Variants in PRSS22 observed in about 807,000 individuals in gnomAD.
The protein encoded by PRSS22 is serine protease 22.
A neutral mutation model predicts 28.0 loss-of-function variants in PRSS22; 26 were observed. That is an observed-to-expected ratio of 0.93 (90% CI 0.68 to 1.29). The LOEUF (loss-of-function observed/expected upper bound fraction) is 1.29. Ranked by LOEUF, PRSS22 falls within the 50% of genes most tolerant of loss-of-function variation. The pLI, the probability that PRSS22 is intolerant of heterozygous loss-of-function variation, is 0.00. For synonymous variants in PRSS22, 217 were observed against 177.9 expected, an observed-to-expected ratio of 1.22 and a Z score of -1.75; for missense variants, 444 against 422.1, an observed-to-expected ratio of 1.05 and a Z score of -0.46.
chr16:2,855,311 G>T (rs942662893), intron 4 of PRSS22, among the ~76,000 whole-genome samples: 1 of 134,904 alleles, frequency 7.4e-6, no homozygotes, highest in South Asian at 2.3e-4. Flanking sequence ...TCACACCACT[G>T]CACTCCAGCC....
rs773615219 is a variant in PRSS22 at position 2,855,488 on chromosome 16, G to C, written c.559+86C>G. 2.0e-6 allele frequency: 3 copies of C among 1,487,116 alleles called. No individual in the cohort carries two copies. In the South Asian group the frequency reaches 3.7e-5, roughly 19 times the overall value. The allele number at this position is 1,487,116 out of a possible 1,614,324, so 92.1% of individuals were successfully genotyped here. On this transcript the variant is annotated intron_variant, in intron 4 of 5. Transcript: ENST00000161006. The stretch of plus-strand genomic sequence containing the variant: ...GCTGTGCCTCTGGCCTCCACCCTTT[G>C]TTGCTCATGGTGTCTGTGTCCCTGA...
chr16:2,855,365 A>AAAAAAAAAG (rs1555473080), intron 4 of PRSS22, among the ~76,000 whole-genome samples: 5 of 134,582 alleles, frequency 3.7e-5, no homozygotes, highest in East Asian at 2.2e-4. Flanking sequence ...AAAAAAAAAA[A>AAAAAAAAAG]AAGAAGAAGA....
In PRSS22 at chr16:2,856,180, C is replaced by T; in HGVS notation, c.183G>A (p.Trp61Ter). ...VGGEDSTDSEWPWIVSIQKNG... is the reference protein window; with the variant it reads ...VGGEDSTDSE ...TCTTCTGGATGCTCACGATCCAGGG[C>T]CACTCGCTGTCAGTGCTGTCCTCGC... is the stretch of plus-strand genomic sequence containing the variant. The change falls in exon 3 of 6, where the codon TGG (tryptophan) becomes TGA (stop). Residue 61 changes from tryptophan (W) to a stop codon, truncating the protein, a stop_gained. Transcript: ENST00000161006. LOFTEE classifies it high-confidence loss of function. 5 of 1,613,858 alleles carry T rather than the reference C, an allele frequency of 3.1e-6. No individual in the cohort carries two copies. Among genetic ancestry groups the T allele is most frequent in the Non-Finnish European group, 4.2e-6 (5 of 1,179,952 alleles).
Position 2,858,138 on chromosome 16 carries a change from G to A in PRSS22, c.-34C>T, listed in dbSNP as rs781304869. ...GGGCGGGGGAGCAGGCAGCAGGCTCGAGAGACCCAGGGCGATGCGGGTCAG... is the reference window on the plus strand; with the variant it reads ...GGGCGGGGGAGCAGGCAGCAGGCTCAAGAGACCCAGGGCGATGCGGGTCAG... On this transcript the variant is annotated 5_prime_UTR_variant, in exon 1 of 6. Transcript: ENST00000161006. 37 of 1,255,280 alleles carry A rather than the reference G, an allele frequency of 2.9e-5. No homozygotes were observed. Among genetic ancestry groups the A allele is most frequent in the Non-Finnish European group, 3.6e-5 (36 of 994,168 alleles). The allele number at this position is 1,255,280 out of a possible 1,614,324, so 77.8% of individuals were successfully genotyped here.
In PRSS22 at chr16:2,853,291, G is replaced by A. The variant is rs148702915; in HGVS notation, c.756C>T (p.Gly252=). ...TGATGATGCCGGCCAGCAGCCAGGC[G>A]CCGTCCACCTGGCACATGAGGGGGC... is the stretch of plus-strand genomic sequence containing the variant. ...SGGPLMCQVD[G]AWLLAGIISW... is the part of the protein sequence containing the mutation. Residue 252 remains glycine (G), a synonymous_variant, in exon 6 of 6, where the codon GGC becomes GGT. Transcript: ENST00000161006. The surrounding 1 kb of genome is among the most constrained non-coding windows in gnomAD (Gnocchi z 4.6). 2.9e-5 allele frequency: 46 copies of A among 1,599,068 alleles called. No individual in the cohort carries two copies. The African/African-American group carries it at 6.0e-4, about 21-fold the overall frequency.
chr16:2,857,928 A>G, intron 1 of PRSS22, 95 bp downstream of exon 1: 1 of 920,402 alleles, frequency 1.1e-6, no homozygotes, highest in Non-Finnish European at 1.4e-6. Context: ...AAAGGAGATG[A>G]GAGAGGCAAG....
chr16:2,856,990 C>G, intron 1 of PRSS22, 142 bp from the exon 2 acceptor site: 1 of 980,740 alleles, frequency 1.0e-6, no homozygotes, highest in Non-Finnish European at 1.6e-6. Context: ...GGTCCCAGCA[C>G]CCAGTGAGGA....
chr16:2,855,591 C>A lies in PRSS22; in HGVS notation c.542G>T (p.Gly181Val). The change falls in exon 4 of 6, where the codon GGG becomes GTG. Residue 181 changes from glycine to valine, a missense_variant. Gly to Val is a moderately radical substitution (Grantham distance 109, BLOSUM62 -3). Transcript: ENST00000161006. ...PNTHCWISGW[G>V]SIQDGVPLPH... is the part of the protein sequence containing the mutation. ...AGCCGCACCTCCATCTTGGATGCTC[C>A]CCCAGCCTGAGATCCAGCAGTGGGT... The A allele has an allele frequency of 6.2e-7, 1 of 1,614,040 alleles. No individual in the cohort carries two copies. The highest frequency in any genetic ancestry group is 8.5e-7 in the Non-Finnish European group (1 of 1,180,010).
chr16:2,855,431 T>C, intron 4 of PRSS22, 143 bp downstream of exon 4: 2 of 825,880 alleles, frequency 2.4e-6, no homozygotes, highest in South Asian at 1.8e-5. Context: ...TTCTTCTGGA[T>C]TGCAGCCCAT....
chr16:2,852,924 G>C lies in PRSS22; in HGVS notation c.*169C>G, dbSNP rs1161209823. 1.2e-5 allele frequency: 7 copies of C among 588,928 alleles called. No individual in the cohort carries two copies. The highest frequency in any genetic ancestry group is 2.0e-5 in the Non-Finnish European group (7 of 341,832). The allele number at this position is 588,928 out of a possible 1,614,324, so 36.5% of individuals were successfully genotyped here. A position where few individuals can be genotyped will look rare whatever the true frequency, so the allele number is the denominator to read the frequency against. On this transcript the variant is annotated 3_prime_UTR_variant, in exon 6 of 6. Transcript: ENST00000161006. ...CTTGGAGGCGGGGCCTGAGGCCGTCGGGCGGGTCGGGGAGGGGGTTTCCTT... is the reference window on the plus strand; with the variant it reads ...CTTGGAGGCGGGGCCTGAGGCCGTCCGGCGGGTCGGGGAGGGGGTTTCCTT...
intron 1 of PRSS22, chr16:2,857,720 T>C: frequency 3.6e-6 from 1 of 278,478 alleles, no homozygotes; most frequent in East Asian, 5.7e-5. Flanking sequence ...AAACGGTGCT[T>C]CCCCAGAGGC....
At chr16:2,854,127 A>C in intron 4 of PRSS22, 105 bp from the exon 5 acceptor site, 1 of 1,324,744 alleles carries the variant, frequency 7.5e-7, no homozygotes, top group Non-Finnish European at 1.1e-6. Flanking sequence ...GCGGTTCTCA[A>C]AGGCTAACAG....
At position 2,858,091 on chromosome 16, in the gene PRSS22, C is replaced by T; in HGVS notation, c.14G>A (p.Gly5Glu). 7.9e-7 allele frequency: 1 copy of T among 1,268,998 alleles called. No individual in the cohort carries two copies. The highest frequency in any genetic ancestry group is 3.1e-5 in the East Asian group (1 of 32,054). 78.6% of individuals were successfully genotyped at this position (1,268,998 alleles called of 1,614,324 possible). The change falls in exon 1 of 6, where the codon GGA becomes GAA. Residue 5 changes from glycine (G) to glutamate (E), a missense_variant. Transcript: ENST00000161006. MVVSGAPPALGGGCL... is the reference protein window; with the variant it reads MVVSEAPPALGGGCL... Reference sequence around the variant, plus strand: ...GCCCCCACCCAGGGCTGGGGGCGCTCCAGAAACCACCATGGCTGGTGGGGC... The same window carrying T: ...GCCCCCACCCAGGGCTGGGGGCGCTTCAGAAACCACCATGGCTGGTGGGGC...
intron 1 of PRSS22, chr16:2,857,762 C>G (rs934096165): frequency 2.8e-5 from 10 of 354,440 alleles, no homozygotes; most frequent in Non-Finnish European, 4.5e-5. Context: ...TGGGAGAACA[C>G]GGAGGCGAGA....
At chr16:2,855,970 G>C in intron 3 of PRSS22, 112 bp downstream of exon 3, 1 of 1,509,216 alleles carries the variant, frequency 6.6e-7, no homozygotes, top group East Asian at 2.3e-5. Flanking sequence ...GAATCGAGGG[G>C]CACCAAGATT....
Position 2,855,821 on chromosome 16 carries a change from C to T in PRSS22, c.312G>A (p.Val104=), listed in dbSNP as rs2069450261. The T allele has an allele frequency of 1.9e-6, 3 of 1,613,370 alleles. No individual in the cohort carries two copies. Among genetic ancestry groups the T allele is most frequent in the Admixed American group, 1.7e-5 (1 of 59,988 alleles). The change falls in exon 4 of 6, where the codon GTG becomes GTA. Residue 104 remains valine, a synonymous_variant. Coordinates refer to ENST00000161006, the MANE Select transcript of PRSS22 (RefSeq NM_022119.4). ...DNLNKPYLFS[V]LLGAWQLGNP... is the part of the protein sequence containing the mutation. ...TCCCCAGCTGCCAGGCCCCCAGCAGCACAGAGAACAGGTATGGTTTGTTCA... is the reference window on the plus strand; with the variant it reads ...TCCCCAGCTGCCAGGCCCCCAGCAGTACAGAGAACAGGTATGGTTTGTTCA...
rs978581900 is a variant in PRSS22 at position 2,852,966 on chromosome 16, G to T, written c.*127C>A. ...GGTTTCCTTTCCGCAGCAGCCGTCC[G>T]GGCCCCCAGAGGTAGAGGTAGATGA... On this transcript the variant is annotated 3_prime_UTR_variant, in exon 6 of 6. Transcript: ENST00000161006. 8.5e-6 allele frequency: 5 copies of T among 588,878 alleles called. No individual in the cohort carries two copies. The East Asian group carries it at 1.6e-4, about 19-fold the overall frequency. The allele number at this position is 588,878 out of a possible 1,614,324, so 36.5% of individuals were successfully genotyped here.
chr16:2,854,932 T>C (rs577481351), intron 4 of PRSS22, among the ~76,000 whole-genome samples: 6 of 152,308 alleles, frequency 3.9e-5, no homozygotes, highest in Admixed American at 3.3e-4. Flanking sequence ...ATCAGGCCTC[T>C]TTATATTCAC....
intron 1 of PRSS22, chr16:2,857,804 T>C (rs1426397830): frequency 5.1e-6 from 2 of 389,846 alleles, no homozygotes. Context: ...CGACGGTAAC[T>C]GGAGACCGAG....
Sources: allele counts gnomAD v4.1 joint callset (sites outside exome capture counted in the v4.1 genomes callset), GRCh38; gene constraint gnomAD v4.1.1; non-coding constraint Gnocchi (gnomAD v3.1); transcripts MANE v1.5; gene names NCBI Gene and HGNC (gene_info 2026-07-23, HGNC 2026-07-21).